The following PTPRN2 variants were observed in gnomAD, a reference collection of about 807,000 sequenced individuals.
The protein encoded by PTPRN2 is receptor-type tyrosine-protein phosphatase N2.
Under a neutral mutation model 118.8 loss-of-function variants are expected in PTPRN2, and 74 were observed. That is an observed-to-expected ratio of 0.62 (90% CI 0.52 to 0.76). The LOEUF is 0.76. Ranked by LOEUF, PTPRN2 falls within the 30% of genes least tolerant of loss-of-function variation. The pLI is 0.00. For missense variants in PTPRN2, 1,481 were observed against 1,394.4 expected (o/e 1.06, Z -0.99); for synonymous variants, 641 against 608.0 (o/e 1.05, Z -0.80).
intron 2 of PTPRN2, among the ~76,000 whole-genome samples, chr7:158,388,392 G>A (rs920512689): frequency 6.6e-6 from 1 of 152,108 alleles, no homozygotes; most frequent in Non-Finnish European, 1.5e-5. Flanking sequence ...CGACAAACTC[G>A]GCTGCCCACA....
chr7:158,239,377 G>A (rs188591962), intron 3 of PTPRN2, among the ~76,000 whole-genome samples: 81 of 152,282 alleles, frequency 5.3e-4, no homozygotes, highest in African/African-American at 1.5e-3. Context: ...CTGGTATCCC[G>A]GAGCTTGTTC....
intron 4 of PTPRN2, among the ~76,000 whole-genome samples, chr7:158,202,714 A>G (rs1323260020): frequency 6.6e-6 from 1 of 152,218 alleles, no homozygotes; most frequent in Non-Finnish European, 1.5e-5. Flanking sequence ...ACTCACAAAG[A>G]AAGAATTTAG....
intron 4 of PTPRN2, among the ~76,000 whole-genome samples, chr7:158,203,778 CA>C (rs1481149873): frequency 6.6e-6 from 1 of 152,176 alleles, no homozygotes; most frequent in East Asian, 1.9e-4. Context: ...TGAACACATC[CA>C]AAATAGAAAT....
intron 2 of PTPRN2, among the ~76,000 whole-genome samples, chr7:158,344,733 C>T (rs191178387): frequency 1.1e-3 from 163 of 152,180 alleles, no homozygotes; most frequent in African/African-American, 2.6e-3. Flanking sequence ...GACGCTCTGA[C>T]GGTGCACGAT....
intron 2 of PTPRN2, among the ~76,000 whole-genome samples, chr7:158,441,075 GTGGTGCT>G (rs1817062248): frequency 7.1e-6 from 1 of 141,238 alleles, no homozygotes; most frequent in Non-Finnish European, 1.5e-5. Context: ...GGTAGTGATG[GTGGTGCT>G]GGTGGTAGTG....
chr7:157,667,309 G>T (rs1000892586), intron 13 of PTPRN2, among the ~76,000 whole-genome samples: 1 of 145,624 alleles, frequency 6.9e-6, no homozygotes, highest in Admixed American at 6.8e-5. Context: ...TGGGTGCAAC[G>T]AGTACACAGC....
chr7:157,594,613 C>T (rs1428593191), intron 17 of PTPRN2, among the ~76,000 whole-genome samples: 3 of 152,240 alleles, frequency 2.0e-5, no homozygotes, highest in Non-Finnish European at 2.9e-5. Flanking sequence ...TGTGCTCCTG[C>T]GGTAACTCAC....
In PTPRN2 at chr7:158,279,818, G is replaced by A. The variant is rs552683319; in HGVS notation, c.277+37001C>T. On this transcript the variant is annotated intron_variant, in intron 3 of 22. Transcript: ENST00000389418. ...GCGGGCTGAGGGGCTCTTCGAGCCC[G>A]GCCAGAGCAGACACCGAGGCAGAGA... Among the ~76,000 whole-genome samples the A allele has an allele frequency of 8.5e-5, 13 of 152,274 alleles. No individual in the cohort carries two copies. In the Middle Eastern group the frequency reaches 0.01, roughly 120 times the overall value.
At chr7:158,371,337 CA>C (rs201386674) in intron 2 of PTPRN2, among the ~76,000 whole-genome samples, 2,908 of 139,218 alleles carry the variant, frequency 0.021, 96 homozygotes, top group African/African-American at 0.066. Flanking sequence ...CAAAGGAAAG[CA>C]AAAAAAAAAA....
intron 10 of PTPRN2, among the ~76,000 whole-genome samples, chr7:158,094,130 T>G (rs1233231814): frequency 6.6e-6 from 1 of 152,208 alleles, no homozygotes; most frequent in Non-Finnish European, 1.5e-5. Context: ...TAGAAGCATT[T>G]GCCTCCTTTG....
intron 3 of PTPRN2, among the ~76,000 whole-genome samples, chr7:158,300,211 T>C (rs1343372639): frequency 6.6e-6 from 1 of 152,076 alleles, no homozygotes. Flanking sequence ...CGGAAATGAT[T>C]GTAATTATGA....
chr7:158,343,798 A>G lies in PTPRN2; in HGVS notation c.164-26866T>C, dbSNP rs368990046. ...CAACACCTGCAAGCAGGGCTCGCGCAGAGGCTCAGGCAGCCATGCTCGTGG... is the reference window on the plus strand; with the variant it reads ...CAACACCTGCAAGCAGGGCTCGCGCGGAGGCTCAGGCAGCCATGCTCGTGG... On this transcript the variant is annotated intron_variant, in intron 2 of 22. Coordinates refer to ENST00000389418, the MANE Select transcript of PTPRN2 (RefSeq NM_002847.5). Among the ~76,000 whole-genome samples the G allele has an allele frequency of 3.6e-3, 541 of 151,566 alleles. 3 individuals are homozygous for G. Among genetic ancestry groups the G allele is most frequent in the African/African-American group, 0.013 (512 of 40,880 alleles).
In PTPRN2 at chr7:157,593,850, C is replaced by T. The variant is rs150078951; in HGVS notation, c.2496+1388G>A. ...GACAAGTAGGGAGCCCAAGTGCCCC[C>T]AAAACCATCCAAGTGCCACAGGTTC... On this transcript the variant is annotated intron_variant, in intron 17 of 22. Transcript: ENST00000389418. Among the ~76,000 whole-genome samples, 404 of 152,328 alleles carry T rather than the reference C, an allele frequency of 2.7e-3. 3 individuals carry two copies. Among genetic ancestry groups the T allele is most frequent in the African/African-American group, 9.2e-3 (384 of 41,584 alleles).
At chr7:158,533,579 T>A (rs1347123902) in intron 1 of PTPRN2, among the ~76,000 whole-genome samples, 2 of 152,116 alleles carry the variant, frequency 1.3e-5, no homozygotes, top group Admixed American at 6.5e-5. Context: ...GGAGTCCCTA[T>A]CCCAGGGGCC....
chr7:158,270,821 CCTCCACCTGG>C (rs1798336264), intron 3 of PTPRN2, among the ~76,000 whole-genome samples: 1 of 17,410 alleles, frequency 5.7e-5, no homozygotes, highest in South Asian at 2.4e-3. Context: ...TGGACCGCCC[CCTCCACCTGG>C]ATGACCCCCT....
At chr7:158,017,760 C>T (rs1317603280) in intron 11 of PTPRN2, among the ~76,000 whole-genome samples, 2 of 152,142 alleles carry the variant, frequency 1.3e-5, no homozygotes, top group Non-Finnish European at 2.9e-5. Flanking sequence ...GGGCGGCCAG[C>T]AGGGACAGAA....
intron 2 of PTPRN2, among the ~76,000 whole-genome samples, chr7:158,471,709 CA>C (rs142862963): frequency 2.0e-5 from 3 of 147,170 alleles, no homozygotes; most frequent in South Asian, 2.2e-4. Context: ...AACAAACAAA[CA>C]AAAAAAAAAC....
chr7:158,506,964 T>C (rs1253448092), intron 1 of PTPRN2, among the ~76,000 whole-genome samples: 1 of 152,176 alleles, frequency 6.6e-6, no homozygotes, highest in Admixed American at 6.5e-5. Flanking sequence ...GGTGGTTTGA[T>C]GGCTGGCCAA....
chr7:158,090,586 C>T (rs1018677106), intron 10 of PTPRN2, among the ~76,000 whole-genome samples: 11 of 152,152 alleles, frequency 7.2e-5, no homozygotes, highest in African/African-American at 2.7e-4. Flanking sequence ...TTTTGATGGT[C>T]ATAAAACATG....
Sources: gnomAD v4.1 joint callset for allele counts (sites outside exome capture counted in the v4.1 genomes callset) on GRCh38, gnomAD v4.1.1 for gene constraint, MANE v1.5 for transcripts, NCBI Gene and HGNC (gene_info 2026-07-23, HGNC 2026-07-21) for gene names.